Variants in TCIRG1 observed in about 807,000 individuals in gnomAD.
TCIRG1 encodes T cell immune regulator 1, ATPase H+ transporting V0 subunit a3.
TCIRG1 carries 86 observed loss-of-function variants against 95.5 expected under a neutral mutation model. That is an observed-to-expected ratio of 0.90 (90% CI 0.76 to 1.08). TCIRG1 has a LOEUF of 1.08. Ranked by LOEUF, TCIRG1 falls within the 50% of genes least tolerant of loss-of-function variation. The pLI, the probability that TCIRG1 is intolerant of heterozygous loss-of-function variation, is 0.00. For missense variants in TCIRG1, 1,069 were observed against 1,140.2 expected, an observed-to-expected ratio of 0.94 and a Z score of 0.90; for synonymous variants, 499 against 501.3, an observed-to-expected ratio of 1.00 and a Z score of 0.06.
At chr11:68,040,768 C>A (rs193227049) in intron 1 of TCIRG1, among the ~76,000 whole-genome samples, 23 of 152,222 alleles carry the variant, frequency 1.5e-4, no homozygotes, top group Non-Finnish European at 2.9e-4. Context: ...ACAGCCCCCC[C>A]ACAGCAGTGC....
rs1243187800 is a variant in TCIRG1 at position 68,047,868 on chromosome 11, CT to C, written c.1464-13del. The C allele has an allele frequency of 2.4e-5, 39 of 1,613,378 alleles. No homozygotes were observed. The highest frequency in any genetic ancestry group is 3.1e-5 in the Non-Finnish European group (37 of 1,179,892). ...CACCCGCAGCCCTGACCGCCCTCCCCTGCGTTGCCGCAGTGATGCATTCCTG... is the reference window on the plus strand; with the variant it reads ...CACCCGCAGCCCTGACCGCCCTCCCCGCGTTGCCGCAGTGATGCATTCCTG... On this transcript the variant is annotated splice_polypyrimidine_tract_variant and intron_variant, in intron 12 of 19. Transcript: ENST00000265686.
Position 68,043,491 on chromosome 11 carries a change from C to G in TCIRG1, c.624C>G (p.Pro208=), listed in dbSNP as rs779281265. 104 of 1,568,144 alleles carry G rather than the reference C, an allele frequency of 6.6e-5. 1 individual carries two copies. In the South Asian group the frequency reaches 1.1e-3, roughly 17 times the overall value. Residue 208 remains proline, a synonymous_variant, in exon 6 of 20, where the codon CCC becomes CCG. Coordinates refer to ENST00000265686, the MANE Select transcript of TCIRG1 (RefSeq NM_006019.4). ...FRELEQPLEH[P]VTGEPATWMT... is the part of the protein sequence containing the mutation. ...AGCTGGAGCAGCCGCTGGAGCACCCCGTGACGGTGAGCAGCTGGCGCTGGG... is the reference window on the plus strand; with the variant it reads ...AGCTGGAGCAGCCGCTGGAGCACCCGGTGACGGTGAGCAGCTGGCGCTGGG...
At chr11:68,050,448 C>T in intron 18 of TCIRG1, 39 bp from the exon 19 acceptor site, 1 of 1,611,592 alleles carries the variant, frequency 6.2e-7, no homozygotes, top group East Asian at 2.2e-5. Context: ...TGGCAGGCAC[C>T]CACTTGCCGT....
At chr11:68,044,419 G>T (rs1855362936) in intron 9 of TCIRG1, 75 bp downstream of exon 9, 6 of 1,250,864 alleles carry the variant, frequency 4.8e-6, no homozygotes, top group Non-Finnish European at 5.6e-6. Flanking sequence ...CTCACTTCCA[G>T]CCTCTGGCTC....
chr11:68,044,152 G>A lies in TCIRG1; in HGVS notation c.828G>A (p.Arg276=), dbSNP rs370554070. 3.2e-6 allele frequency: 5 copies of A among 1,550,594 alleles called. No homozygotes were observed. Among genetic ancestry groups the A allele is most frequent in the Non-Finnish European group, 4.4e-6 (5 of 1,147,610 alleles). The part of the protein sequence containing the change: ...ELQEVLGETE[R]FLSQVLGRVL... Reference sequence around the variant, plus strand: ...CGCAGGTCCTCGGGGAGACAGAGCGGTTCCTGAGCCAGGTGCTAGGCCGGG... The same window carrying A: ...CGCAGGTCCTCGGGGAGACAGAGCGATTCCTGAGCCAGGTGCTAGGCCGGG... Residue 276 remains arginine (R), a synonymous_variant, in exon 9 of 20, where the codon CGG becomes CGA. Coordinates refer to ENST00000265686, the MANE Select transcript of TCIRG1 (RefSeq NM_006019.4).
intron 7 of TCIRG1, 68 bp downstream of exon 7, chr11:68,043,721 C>A: frequency 6.5e-7 from 1 of 1,540,240 alleles, no homozygotes; most frequent in Non-Finnish European, 8.8e-7. Context: ...TCCCAGCCCG[C>A]CCTATCGTGA....
Position 68,044,276 on chromosome 11 carries a change from C to T in TCIRG1, c.952C>T (p.Leu318Phe). ...CAGCGTGAGCACCACGCACAAGTGC[C>T]TCATTGCCGAGGCCTGGTGCTCTGT... is the stretch of plus-strand genomic sequence containing the variant. ...QCSVSTTHKCLIAEAWCSVRD... is the reference protein window; with the variant it reads ...QCSVSTTHKCFIAEAWCSVRD... Residue 318 changes from leucine to phenylalanine, a missense_variant, in exon 9 of 20, where the codon CTC becomes TTC. Coordinates refer to ENST00000265686, the MANE Select transcript of TCIRG1 (RefSeq NM_006019.4). 6.2e-7 allele frequency: 1 copy of T among 1,605,140 alleles called. No individual in the cohort carries two copies. The highest frequency in any genetic ancestry group is 8.5e-7 in the Non-Finnish European group (1 of 1,177,374).
At chr11:68,043,710 C>G in intron 7 of TCIRG1, 57 bp downstream of exon 7, 1 of 1,548,048 alleles carries the variant, frequency 6.5e-7, no homozygotes, top group Non-Finnish European at 8.8e-7. Context: ...CTGCTGTCAC[C>G]TCCCAGCCCG....
rs1416271565 is a variant in TCIRG1 at position 68,044,977 on chromosome 11, C to T, written c.1040C>T (p.Ala347Val). 1 of 1,608,340 alleles carries T rather than the reference C, an allele frequency of 6.2e-7. No individual in the cohort carries two copies. Among genetic ancestry groups the T allele is most frequent in the Non-Finnish European group, 8.5e-7 (1 of 1,179,986 alleles). ...RDSSMEEGVS[A>V]VAHRIPCRDM... ...ACCCAGATGGAGGAGGGAGTGAGTG[C>T]CGTGGCTCACCGCATCCCCTGCCGG... Residue 347 changes from alanine (A) to valine (V), a missense_variant, in exon 10 of 20, where the codon GCC becomes GTC. Ala to Val is a moderately conservative substitution (Grantham distance 64). Transcript: ENST00000265686.
At position 68,050,267 on chromosome 11, in the gene TCIRG1, GCCA is replaced by G. The variant is rs749507635; in HGVS notation, c.2236+16_2236+18del. On this transcript the variant is annotated intron_variant, in intron 18 of 19. Coordinates refer to ENST00000265686, the MANE Select transcript of TCIRG1 (RefSeq NM_006019.4). ...CTGGCCCACGCCCGTGAGTGACCTGGCCACCGACGGCTGGCCCCAGCTCCTGGC... is the reference window on the plus strand; with the variant it reads ...CTGGCCCACGCCCGTGAGTGACCTGGCCGACGGCTGGCCCCAGCTCCTGGC... 9 of 1,610,404 alleles carry G rather than the reference GCCA, an allele frequency of 5.6e-6. 1 individual carries two copies. The highest frequency in any genetic ancestry group is 5.5e-5 in the South Asian group (5 of 91,044).
Position 68,042,803 on chromosome 11 carries a change from G to C in TCIRG1, c.357G>C (p.Arg119=), listed in dbSNP as rs1855236438. Residue 119 remains arginine, a synonymous_variant, in exon 4 of 20, where the codon CGG becomes CGC. Coordinates refer to ENST00000265686, the MANE Select transcript of TCIRG1 (RefSeq NM_006019.4). ...TGCGGGGCAACCAGCAGGCCCTGCG[G>C]GCCCAGCTGCACCAGCTGCAGCTCC... ...RDVRGNQQAL[R]AQLHQLQLHA... The C allele has an allele frequency of 6.5e-7, 1 of 1,548,482 alleles. No homozygotes were observed. Among genetic ancestry groups the C allele is most frequent in the South Asian group, 1.2e-5 (1 of 83,960 alleles).
Position 68,049,718 on chromosome 11 carries a change from T to C in TCIRG1, c.1943T>C (p.Leu648Pro). 6.3e-7 allele frequency: 1 copy of C among 1,592,652 alleles called. No homozygotes were observed. ...VLALAMVPILLLGTPLHLLHR... is the reference protein window; with the variant it reads ...VLALAMVPILPLGTPLHLLHR... ...GCCTTGGCCATGGTGCCCATCCTGC[T>C]GCTTGGCACACCCCTGCACCTGCTG... Residue 648 changes from leucine to proline, a missense_variant, in exon 16 of 20, where the codon CTG becomes CCG. Transcript: ENST00000265686.
Position 68,050,669 on chromosome 11 carries a change from G to A in TCIRG1, c.2414+5G>A. On this transcript the variant is annotated splice_donor_5th_base_variant and intron_variant, in intron 19 of 19. Transcript: ENST00000265686. Reference sequence around the variant, plus strand: ...GCACGCCCTGCGGCTGCACTGGTGAGCGACCACCCACTGGCCTGGGCTGCT... The same window carrying A: ...GCACGCCCTGCGGCTGCACTGGTGAACGACCACCCACTGGCCTGGGCTGCT... 8 of 1,613,448 alleles carry A rather than the reference G, an allele frequency of 5.0e-6. No homozygotes were observed. The highest frequency in any genetic ancestry group is 1.1e-5 in the South Asian group (1 of 91,086).
At position 68,049,313 on chromosome 11, in the gene TCIRG1, G is replaced by A. The variant is rs1306603186; in HGVS notation, c.1887+19G>A. 2 of 1,599,668 alleles carry A rather than the reference G, an allele frequency of 1.3e-6. No homozygotes were observed. Among genetic ancestry groups the A allele is most frequent in the Middle Eastern group, 1.7e-4 (1 of 5,924 alleles). ...CCGGCAGGTGGGCTGCGGCTGGTGG[G>A]GGCCGGGCTCACACGGCCTCATGGG... On this transcript the variant is annotated intron_variant, in intron 15 of 19. Transcript: ENST00000265686.
At chr11:68,051,709 T>C (rs1855803950), downstream of TCIRG1, among the ~76,000 whole-genome samples, 2 of 152,270 alleles carry the variant, frequency 1.3e-5, no homozygotes, top group Middle Eastern at 3.4e-3. Context: ...CAGATTCAGC[T>C]TAGAGAAACG....
rs888041200 is a variant in TCIRG1, at chr11:68,042,846, C to G, written c.400C>G (p.Gln134Glu). The change falls in exon 4 of 20, where the codon CAG becomes GAG. Residue 134 changes from glutamine (Q) to glutamate (E), a missense_variant. Gln to Glu is a conservative substitution (Grantham distance 29). Coordinates refer to ENST00000265686, the MANE Select transcript of TCIRG1 (RefSeq NM_006019.4). ...QLQLHAAVLRQGHEPQLAAAH... is the reference protein window; with the variant it reads ...QLQLHAAVLREGHEPQLAAAH... ...GCAGCTCCACGCCGCCGTGCTACGC[C>G]AGGGCCATGAACCTCAGGTCAGCTC... 4.5e-6 allele frequency: 7 copies of G among 1,549,284 alleles called. No individual in the cohort carries two copies. The highest frequency in any genetic ancestry group is 6.1e-6 in the Non-Finnish European group (7 of 1,146,406).
downstream of TCIRG1, among the ~76,000 whole-genome samples, chr11:68,051,201 C>T (rs1333717447): frequency 6.6e-6 from 1 of 152,198 alleles, no homozygotes; most frequent in Non-Finnish European, 1.5e-5. Flanking sequence ...TGCCAATATC[C>T]ATGCCCTGGT....
In TCIRG1 at chr11:68,048,913, T is replaced by C. The variant is rs1263166960; in HGVS notation, c.1589T>C (p.Leu530Pro). Residue 530 changes from leucine (L) to proline (P), a missense_variant, in exon 14 of 20, where the codon CTC becomes CCC. Coordinates refer to ENST00000265686, the MANE Select transcript of TCIRG1 (RefSeq NM_006019.4). ...WSLAANHLSF[L>P]NSFKMKMSVI... The stretch of plus-strand genomic sequence containing the variant: ...CTGGCTGCCAACCACTTGAGCTTCC[T>C]CAACTCCTTCAAGATGAAGATGTCC... 2 of 1,613,188 alleles carry C rather than the reference T, an allele frequency of 1.2e-6. No individual in the cohort carries two copies. The highest frequency in any genetic ancestry group is 8.5e-7 in the Non-Finnish European group (1 of 1,180,018).
chr11:68,044,115 T>G lies in TCIRG1; in HGVS notation c.808-17T>G, dbSNP rs972735238. ...ACCTGCCTGCCCAGCCCCCGCTGAC[T>G]GCCCACTCTGGCGCAGGTCCTCGGG... On this transcript the variant is annotated splice_polypyrimidine_tract_variant and intron_variant, in intron 8 of 19. Coordinates refer to ENST00000265686, the MANE Select transcript of TCIRG1 (RefSeq NM_006019.4). 1.3e-6 allele frequency: 2 copies of G among 1,545,060 alleles called. No homozygotes were observed. Among genetic ancestry groups the G allele is most frequent in the Non-Finnish European group, 1.7e-6 (2 of 1,145,718 alleles).
Sources: gnomAD v4.1 joint callset for allele counts (sites outside exome capture counted in the v4.1 genomes callset) on GRCh38, gnomAD v4.1.1 for gene constraint, MANE v1.5 for transcripts, NCBI Gene and HGNC (gene_info 2026-07-23, HGNC 2026-07-21) for gene names.